ATG9B: variants seen among roughly 807,000 people sequenced by gnomAD.
The protein encoded by ATG9B is autophagy related 9B.
In ATG9B, 92 loss-of-function variants were observed where a neutral mutation model predicts 92.9. The observed-to-expected ratio is 0.99, with a 90% CI of 0.84 to 1.18. ATG9B has a LOEUF of 1.18. Ranked by LOEUF, ATG9B falls within the 50% of genes most tolerant of loss-of-function variation. The probability of loss-of-function intolerance (pLI) is 0.00; values close to 1 mark genes in which losing one functional copy is unlikely to be tolerated. For synonymous variants in ATG9B, 599 were observed against 551.4 expected (o/e 1.09, Z -1.21); for missense variants, 1,344 against 1,235.0 (o/e 1.09, Z -1.32).
At chr7:151,019,409 C>G (rs1795667219) in intron 5 of ATG9B, 35 bp from the exon 6 acceptor site, 2 of 1,496,680 alleles carry the variant, frequency 1.3e-6, no homozygotes, top group Middle Eastern at 1.9e-4. Flanking sequence ...AGCGACCCCC[C>G]ATTCCTCTCC....
chr7:151,020,910 T>G, intron 5 of ATG9B: 1 of 308,950 alleles, frequency 3.2e-6, no homozygotes, highest in Non-Finnish European at 6.0e-6. Flanking sequence ...CCCTTTCTCT[T>G]TTCTCTAATC....
rs1340841492 is a variant in ATG9B, at chr7:151,016,691, G to A, written c.2420C>T (p.Pro807Leu). Residue 807 changes from proline (P) to leucine (L), a missense_variant, in exon 10 of 14, where the codon CCC becomes CTC. Transcript: ENST00000639579. ...CATCTCAGCCTCCACTCCTCACCTG[G>A]GGTCCTGGGCAATTCGGGAAATGGA... ...LASISRIAQD[P>L]SSVSPGGTGG... The A allele has an allele frequency of 3.8e-6, 6 of 1,589,010 alleles. No individual in the cohort carries two copies. The highest frequency in any genetic ancestry group is 4.3e-6 in the Non-Finnish European group (5 of 1,166,148).
rs375556046 is a variant in ATG9B at position 151,017,067 on chromosome 7, G to T, written c.2258C>A (p.Pro753Gln). Reference sequence around the variant, plus strand: ...CGAGGTGCAGTTGCTGAGCACCCCCGGGGTGGAGGGGCCGCGAGCCGAGGT... The same window carrying T: ...CGAGGTGCAGTTGCTGAGCACCCCCTGGGTGGAGGGGCCGCGAGCCGAGGT... ...GATSARGPST[P>Q]GVLSNCTSPL... The change falls in exon 9 of 14, where the codon CCG becomes CAG. Residue 753 changes from proline to glutamine, a missense_variant. Transcript: ENST00000639579. 5 of 1,604,740 alleles carry T rather than the reference G, an allele frequency of 3.1e-6. No homozygotes were observed. The African/African-American group carries it at 5.4e-5, about 17-fold the overall frequency.
At chr7:151,012,432 G>A (rs970133873), downstream of ATG9B, 1 of 1,611,234 alleles carries the variant, frequency 6.2e-7, no homozygotes. Flanking sequence ...CCCCCTTCCG[G>A]GGATTCTGGC....
rs370720172 is a variant in ATG9B, at chr7:151,018,942, C to G, written c.1396G>C (p.Val466Leu). The G allele has an allele frequency of 4.6e-4, 715 of 1,560,808 alleles. 3 individuals are homozygous for G. The African/African-American group carries it at 8.2e-3, about 18-fold the overall frequency. The change falls in exon 6 of 14, where the codon GTG (valine) becomes CTG (leucine). Residue 466 changes from valine to leucine, a missense_variant. Transcript: ENST00000639579. The surrounding 1 kb of genome is among the most constrained non-coding windows in gnomAD (Gnocchi z 4.7). Reference sequence around the variant, plus strand: ...CCAGGCTCGCGCCGCAGCAGCTCCACGTGGCTATAGAAGACGTGCAGAACC... The same window carrying G: ...CCAGGCTCGCGCCGCAGCAGCTCCAGGTGGCTATAGAAGACGTGCAGAACC... ...WQVLHVFYSH[V>L]ELLRREPGAL...
chr7:151,016,656 C>T, intron 10 of ATG9B, 32 bp downstream of exon 10: 3 of 1,551,868 alleles, frequency 1.9e-6, no homozygotes, highest in Non-Finnish European at 2.6e-6. Flanking sequence ...CCCCCCTCCA[C>T]ATGCCCCTGC....
downstream of ATG9B, chr7:151,013,218 G>T: frequency 6.2e-7 from 1 of 1,609,058 alleles, no homozygotes; most frequent in South Asian, 1.1e-5. Flanking sequence ...CCCAAGCGCG[G>T]GGTTGCTTGC....
chr7:151,012,303 TGGA>T, downstream of ATG9B: 18 of 1,494,154 alleles, frequency 1.2e-5, no homozygotes, highest in Non-Finnish European at 1.6e-5. Flanking sequence ...GTGAGAATGG[TGGA>T]GCAGGAAAGG....
In ATG9B at chr7:151,019,101, G is replaced by A; in HGVS notation, c.1237C>T (p.Arg413Cys). 6.5e-7 allele frequency: 1 copy of A among 1,535,626 alleles called. No homozygotes were observed. The highest frequency in any genetic ancestry group is 1.2e-5 in the South Asian group (1 of 84,088). The change falls in exon 6 of 14, where the codon CGC becomes TGC. Residue 413 changes from arginine to cysteine, a missense_variant. Physicochemically the swap from Arg to Cys is radical, Grantham distance 180. Coordinates refer to ENST00000639579, the MANE Select transcript of ATG9B (RefSeq NM_001317056.2). ...LLFRGPFSLF[R>C]GGWELPHAYK... ...GCGTGCGGCAGCTCCCAGCCCCCGC[G>A]GAAGAGCGAGAAGGGACCGCGGAAG...
intron 4 of ATG9B, among the ~76,000 whole-genome samples, chr7:151,022,474 C>T (rs999956328): frequency 1.0e-4 from 15 of 149,598 alleles, no homozygotes; most frequent in African/African-American, 2.7e-4. Context: ...TGGATAGATA[C>T]GACTCCCATA....
chr7:151,023,621 C>G, intron 2 of ATG9B, 66 bp downstream of exon 2: 1 of 1,610,452 alleles, frequency 6.2e-7, no homozygotes, highest in Non-Finnish European at 8.5e-7. Flanking sequence ...GTCTCCCTGC[C>G]AAGAACAGTG....
chr7:151,013,608 GCAGGCCCCACCAGGCCCGCTCCGGAGA>G, downstream of ATG9B: 1 of 800,540 alleles, frequency 1.2e-6, no homozygotes, highest in African/African-American at 1.9e-5. Context: ...CCCAGGGCAC[GCAGGCCCCACCAGGCCCGCTCCGGAGA>G]CTTTCACGTC....
At position 151,018,783 on chromosome 7, in the gene ATG9B, G is replaced by C; in HGVS notation, c.1555C>G (p.Pro519Ala). Residue 519 changes from proline to alanine, a missense_variant, in exon 6 of 14, where the codon CCC (proline) becomes GCC (alanine). Physicochemically the swap from Pro to Ala is conservative, Grantham distance 27 (BLOSUM62 -1). Transcript: ENST00000639579. This position sits in a 1 kb window ranked among gnomAD's most constrained non-coding sequence, Gnocchi z 4.7. ...PAAAFLRTAA[P>A]PAPLRTLLAR... ...AGCAGCGTGCGCAGGGGCGCGGGGG[G>C]CGCAGCGGTGCGCAGGAAGGCGGCG... The C allele has an allele frequency of 7.3e-7, 1 of 1,378,402 alleles. No homozygotes were observed. The allele number at this position is 1,378,402 out of a possible 1,614,324, so 85.4% of individuals were successfully genotyped here.
chr7:151,012,461 T>G (rs778626135), downstream of ATG9B: 6 of 1,612,102 alleles, frequency 3.7e-6, no homozygotes, highest in Admixed American at 1.0e-4. Context: ...CTGCATGACA[T>G]TGAGAGCAAA....
chr7:151,021,254 T>C lies in ATG9B; in HGVS notation c.897A>G (p.Ser299=). ...CCCAGTAGCTGAAGAGGTTGCAGAC[T>C]GAGCGAAGCAGTTGGACCAGCCAGA... The part of the protein sequence containing the change: ...AGFWLVQLLR[S]VCNLFSYWDI... The change falls in exon 5 of 14, where the codon TCA becomes TCG. Residue 299 remains serine (S), a synonymous_variant. Coordinates refer to ENST00000639579, the MANE Select transcript of ATG9B (RefSeq NM_001317056.2). 2 of 1,613,492 alleles carry C rather than the reference T, an allele frequency of 1.2e-6. No individual in the cohort carries two copies. Among genetic ancestry groups the C allele is most frequent in the Non-Finnish European group, 1.7e-6 (2 of 1,179,894 alleles).
At chr7:151,017,308 A>C (rs368349068) in intron 8 of ATG9B, 36 bp from the exon 9 acceptor site, 17 of 1,539,714 alleles carry the variant, frequency 1.1e-5, no homozygotes, top group Non-Finnish European at 1.5e-5. Context: ...TGCTAAGAAC[A>C]CTGAGCCTTA....
rs780214873 is a variant in ATG9B at position 151,021,308 on chromosome 7, C to T, written c.843G>A (p.Leu281=). The change falls in exon 5 of 14, where the codon CTG becomes CTA. Residue 281 remains leucine (L), a synonymous_variant. Transcript: ENST00000639579. ...CGGCAGCCAGGACCAGGAGGAGGAC[C>T]AGCAGCGGGCTGGAGCGGATCCTGT... The part of the protein sequence containing the change: ...CAERIRSSPL[L]VLLLVLAAGF... 1 of 1,611,786 alleles carries T rather than the reference C, an allele frequency of 6.2e-7. No homozygotes were observed. The highest frequency in any genetic ancestry group is 1.3e-5 in the African/African-American group (1 of 74,870).
chr7:151,013,544 C>A, downstream of ATG9B: 2 of 1,069,798 alleles, frequency 1.9e-6, no homozygotes, highest in Middle Eastern at 3.1e-4. Flanking sequence ...CCCTCTAGGC[C>A]CGCCTCCTCC....
downstream of ATG9B, chr7:151,014,119 G>A (rs142886510): frequency 5.2e-5 from 84 of 1,613,202 alleles, no homozygotes; most frequent in African/African-American, 9.7e-4. Context: ...GTTGCGGGGC[G>A]CAGTGCCCTG....
Sources: allele counts gnomAD v4.1 joint callset (sites outside exome capture counted in the v4.1 genomes callset), GRCh38; gene constraint gnomAD v4.1.1; non-coding constraint Gnocchi (gnomAD v3.1); transcripts MANE v1.5; gene names NCBI Gene and HGNC (gene_info 2026-07-23, HGNC 2026-07-21).